Variants in HS6ST1 observed in about 807,000 individuals in gnomAD.
HS6ST1 encodes heparan sulfate 6-O-sulfotransferase 1.
HS6ST1 carries 3 observed loss-of-function variants against 25.2 expected under a neutral mutation model. The ratio of observed to expected loss-of-function variants is 0.12; its 90% confidence interval spans 0.05 to 0.31. The LOEUF (loss-of-function observed/expected upper bound fraction) is 0.31. Among genes scored for constraint, HS6ST1 ranks in the 10% least tolerant of loss-of-function variants. HS6ST1 has a pLI of 1.00. For missense variants in HS6ST1, 310 were observed against 609.6 expected, an observed-to-expected ratio of 0.51 and a Z score of 5.18; for synonymous variants, 204 against 275.1, an observed-to-expected ratio of 0.74 and a Z score of 2.56.
intron 1 of HS6ST1, among the ~76,000 whole-genome samples, chr2:128,283,355 C>G (rs1316656800): frequency 3.9e-5 from 6 of 152,252 alleles, no homozygotes; most frequent in African/African-American, 2.4e-5. Flanking sequence ...GTGCTCACAT[C>G]TCTGTCTTCC....
intron 1 of HS6ST1, among the ~76,000 whole-genome samples, chr2:128,286,135 G>C (rs1001079658): frequency 4.6e-5 from 7 of 152,246 alleles, no homozygotes; most frequent in African/African-American, 1.7e-4. Context: ...CCCTGCAGGG[G>C]TGAGGGCTCA....
At chr2:128,305,057 A>C (rs1694188312) in intron 1 of HS6ST1, among the ~76,000 whole-genome samples, 1 of 152,186 alleles carries the variant, frequency 6.6e-6, no homozygotes, top group African/African-American at 2.4e-5. Context: ...AGGGCCTCCT[A>C]AGCTCTCCAT....
intron 1 of HS6ST1, among the ~76,000 whole-genome samples, chr2:128,294,221 C>G (rs895679474): frequency 6.6e-6 from 1 of 152,202 alleles, no homozygotes; most frequent in Admixed American, 6.5e-5. Context: ...GCCCTGTGCC[C>G]GGCCCTGGCA....
At chr2:128,294,434 T>G (rs1056998992) in intron 1 of HS6ST1, among the ~76,000 whole-genome samples, 1 of 152,154 alleles carries the variant, frequency 6.6e-6, no homozygotes, top group African/African-American at 2.4e-5. Flanking sequence ...TAGGTGGGAC[T>G]TGCCACCTTT....
chr2:128,280,054 C>T (rs1308158402), intron 1 of HS6ST1, among the ~76,000 whole-genome samples: 5 of 152,206 alleles, frequency 3.3e-5, no homozygotes, highest in Middle Eastern at 3.2e-3. Context: ...TTCAGGAGGA[C>T]GCCAAAGCTG....
In HS6ST1 at chr2:128,311,475, C is replaced by T. The variant is rs554673540; in HGVS notation, c.527+6562G>A. Among the ~76,000 whole-genome samples, 10 of 152,302 alleles carry T rather than the reference C, an allele frequency of 6.6e-5. No homozygotes were observed. The South Asian group carries it at 1.2e-3, about 19-fold the overall frequency. On this transcript the variant is annotated intron_variant, in intron 1 of 1. Transcript: ENST00000259241. ...CACTCAGTAACTGCTCCCCAGAGCTCGGCTTCTCATGCTCTTCCCGCCTCA... is the reference window on the plus strand; with the variant it reads ...CACTCAGTAACTGCTCCCCAGAGCTTGGCTTCTCATGCTCTTCCCGCCTCA...
intron 1 of HS6ST1, chr2:128,289,769 G>C (rs1199601502): frequency 6.6e-6 from 1 of 152,260 alleles, no homozygotes; most frequent in Non-Finnish European, 1.5e-5. Context: ...CAGGGAAAGA[G>C]AGGAAGCTGC....
rs931631847 is a variant in HS6ST1 at position 128,306,828 on chromosome 2, G to A, written c.527+11209C>T. ...CACAGGGACAGCCCTGGGTGCGCCCGCAGCAGACGGTGCCCAAGGGGCCTG... is the reference window on the plus strand; with the variant it reads ...CACAGGGACAGCCCTGGGTGCGCCCACAGCAGACGGTGCCCAAGGGGCCTG... On this transcript the variant is annotated intron_variant, in intron 1 of 1. Transcript: ENST00000259241. 5.9e-5 allele frequency among the ~76,000 whole-genome samples: 9 copies of A among 152,304 alleles called. No homozygotes were observed. In the South Asian group the frequency reaches 1.0e-3, roughly 18 times the overall value.
rs972729536 is a variant in HS6ST1 at position 128,266,122 on chromosome 2, G to A, written c.*2040C>T. Reference sequence around the variant, plus strand: ...CAAAACAACCTGCGCTCAGGCCCGCGCACCCAGGAAGCCCATGGTGAAGGT... The same window carrying A: ...CAAAACAACCTGCGCTCAGGCCCGCACACCCAGGAAGCCCATGGTGAAGGT... On this transcript the variant is annotated 3_prime_UTR_variant, in exon 2 of 2. Coordinates refer to ENST00000259241, the MANE Select transcript of HS6ST1 (RefSeq NM_004807.3). 8 of 151,808 alleles carry A rather than the reference G, an allele frequency of 5.3e-5. No individual in the cohort carries two copies. The highest frequency in any genetic ancestry group is 9.7e-5 in the African/African-American group (4 of 41,326). The allele number at this position is 151,808 out of a possible 1,614,324, so 9.4% of individuals were successfully genotyped here. A position where few individuals can be genotyped will look rare whatever the true frequency, so the allele number is the denominator to read the frequency against.
chr2:128,270,048 G>A (rs959775648), intron 1 of HS6ST1, among the ~76,000 whole-genome samples: 2 of 152,322 alleles, frequency 1.3e-5, no homozygotes, highest in Non-Finnish European at 1.5e-5. Flanking sequence ...GGCCACCCCC[G>A]CCTATGAGGA....
rs1420739094 is a variant in HS6ST1 at position 128,289,211 on chromosome 2, C to T, written c.528-20341G>A. On this transcript the variant is annotated intron_variant, in intron 1 of 1. Transcript: ENST00000259241. ...GCTCTACTTACAAGGAGGGCGACAG[C>T]TCCGGGTGATGCACTGAGAAAGCTG... Among the ~76,000 whole-genome samples, 8 of 151,794 alleles carry T rather than the reference C, an allele frequency of 5.3e-5. No individual in the cohort carries two copies. The South Asian group carries it at 1.7e-3, about 32-fold the overall frequency.
At chr2:128,289,963 T>C (rs1693928038) in intron 1 of HS6ST1, 1 of 152,226 alleles carries the variant, frequency 6.6e-6, no homozygotes, top group African/African-American at 2.4e-5. Context: ...TCCTAAAATA[T>C]TGAGGAAATG....
At chr2:128,275,960 C>T (rs1693688650) in intron 1 of HS6ST1, among the ~76,000 whole-genome samples, 1 of 152,192 alleles carries the variant, frequency 6.6e-6, no homozygotes, top group African/African-American at 2.4e-5. Flanking sequence ...GCATACTCCA[C>T]TCAGCAATAA....
At chr2:128,274,814 C>T (rs1459115670) in intron 1 of HS6ST1, among the ~76,000 whole-genome samples, 1 of 152,014 alleles carries the variant, frequency 6.6e-6, no homozygotes, top group Non-Finnish European at 1.5e-5. Flanking sequence ...CCCATCTCTA[C>T]TAAAAATACA....
chr2:128,268,778 G>A lies in HS6ST1; in HGVS notation c.620C>T (p.Ser207Leu), dbSNP rs267598868. Reference protein sequence around the residue: ...HVQRGATWKTSLHMCDGRTPT... With the variant: ...HVQRGATWKTLLHMCDGRTPT... ...CGTGCGCCCATCACACATATGCAAC[G>A]ACGTCTTCCACGTGGCACCCCTCTG... The change falls in exon 2 of 2, where the codon TCG becomes TTG. Residue 207 changes from serine to leucine, a missense_variant. By Grantham distance (145) the Ser-to-Leu change is moderately radical (BLOSUM62 -2). Around this residue, in one of 5 missense-constraint regions of HS6ST1, gnomAD observed 98 missense variants for 270.3 expected, o/e 0.36. Transcript: ENST00000259241. 8.1e-6 allele frequency: 13 copies of A among 1,612,534 alleles called. No individual in the cohort carries two copies. Among genetic ancestry groups the A allele is most frequent in the South Asian group, 2.2e-5 (2 of 91,056 alleles).
intron 1 of HS6ST1, among the ~76,000 whole-genome samples, chr2:128,283,491 C>T (rs959789884): frequency 1.3e-5 from 2 of 152,204 alleles, no homozygotes; most frequent in African/African-American, 4.8e-5. Context: ...TGGTCTGCTC[C>T]ACTTGGAGCA....
intron 1 of HS6ST1, among the ~76,000 whole-genome samples, chr2:128,271,567 C>T (rs73956958): frequency 0.017 from 2,519 of 152,300 alleles, 73 homozygotes; most frequent in African/African-American, 0.057. Context: ...GAGCACAAAG[C>T]GGGGAGCTCG....
intron 1 of HS6ST1, among the ~76,000 whole-genome samples, chr2:128,311,521 G>T (rs188772353): frequency 6.6e-6 from 1 of 152,160 alleles, no homozygotes; most frequent in African/African-American, 2.4e-5. Flanking sequence ...CCCACCACAC[G>T]CTACCACCAA....
chr2:128,281,348 G>A (rs1166414735), intron 1 of HS6ST1, among the ~76,000 whole-genome samples: 1 of 152,222 alleles, frequency 6.6e-6, no homozygotes, highest in Non-Finnish European at 1.5e-5. Flanking sequence ...AGGGCTCTGT[G>A]CTCATGTGGC....
Sources: gnomAD v4.1 joint callset for allele counts (sites outside exome capture counted in the v4.1 genomes callset) on GRCh38, gnomAD v4.1.1 for gene constraint, gnomAD v4.1.1 regional missense constraint, MANE v1.5 for transcripts, NCBI Gene and HGNC (gene_info 2026-07-23, HGNC 2026-07-21) for gene names.